Variants in ERBB4 observed in about 807,000 individuals in gnomAD.
ERBB4 encodes the protein erb-b2 receptor tyrosine kinase 4, also known as receptor tyrosine-protein kinase erbB-4.
In ERBB4, 42 loss-of-function variants were observed where a neutral mutation model predicts 158.0. That is an observed-to-expected ratio of 0.27 (90% CI 0.21 to 0.34). ERBB4 has a LOEUF of 0.34. Ranked by LOEUF, ERBB4 falls within the 10% of genes least tolerant of loss-of-function variation. The pLI is 1.00. For synonymous variants in ERBB4, 583 were observed against 558.7 expected, an observed-to-expected ratio of 1.04 and a Z score of -0.61; for missense variants, 1,333 against 1,624.1, an observed-to-expected ratio of 0.82 and a Z score of 3.08.
intron 1 of ERBB4, among the ~76,000 whole-genome samples, chr2:212,508,394 C>G (rs935234081): frequency 9.9e-5 from 15 of 152,022 alleles, no homozygotes; most frequent in African/African-American, 3.6e-4. Context: ...CAAAAACAAA[C>G]TAATAAATAT....
chr2:211,420,600 A>G lies in ERBB4; in HGVS notation c.2976T>C (p.Arg992=), dbSNP rs1168093246. Residue 992 remains arginine (R), a synonymous_variant, in exon 25 of 28, where the codon CGT becomes CGC. Transcript: ENST00000342788. ...TGTCATTTGGACTGGGAAGCTTCAT[A>G]CGATCATCACCCTAAAAGAAAGATT... ...QRYLVIQGDD[R]MKLPSPNDSK... The G allele has an allele frequency of 1.2e-6, 2 of 1,608,320 alleles. No homozygotes were observed. The highest frequency in any genetic ancestry group is 1.7e-6 in the Non-Finnish European group (2 of 1,178,832).
At chr2:211,986,080 T>A (rs562323325) in intron 2 of ERBB4, among the ~76,000 whole-genome samples, 1 of 152,288 alleles carries the variant, frequency 6.6e-6, no homozygotes, top group African/African-American at 2.4e-5. Context: ...TATGGCCATG[T>A]GAAGATGGAG....
chr2:212,462,804 C>T (rs1357106980), intron 1 of ERBB4, among the ~76,000 whole-genome samples: 1 of 152,016 alleles, frequency 6.6e-6, no homozygotes, highest in East Asian at 1.9e-4. Context: ...TGTGCACTGC[C>T]ATGTTTATTG....
At chr2:211,513,302 G>C (rs1186924640) in intron 20 of ERBB4, among the ~76,000 whole-genome samples, 2 of 141,692 alleles carry the variant, frequency 1.4e-5, no homozygotes, top group Admixed American at 1.5e-4. Flanking sequence ...AGTGAGCCGA[G>C]ATTGCGCCAC....
At position 211,881,781 on chromosome 2, in the gene ERBB4, C is replaced by T. The variant is rs143220770; in HGVS notation, c.421+65649G>A. On this transcript the variant is annotated intron_variant, in intron 3 of 27. Coordinates refer to ENST00000342788, the MANE Select transcript of ERBB4 (RefSeq NM_005235.3). Reference sequence around the variant, plus strand: ...CTCTCTGTAGCAGAGAGCTATTCTCCTTCTTTTGTCTATTAAACTTCCACT... The same window carrying T: ...CTCTCTGTAGCAGAGAGCTATTCTCTTTCTTTTGTCTATTAAACTTCCACT... 5.9e-4 allele frequency among the ~76,000 whole-genome samples: 90 copies of T among 152,212 alleles called. No homozygotes were observed. In the East Asian group the frequency reaches 0.017, roughly 28 times the overall value.
chr2:212,411,955 C>T (rs1382488088), intron 1 of ERBB4, among the ~76,000 whole-genome samples: 3 of 149,780 alleles, frequency 2.0e-5, no homozygotes, highest in Non-Finnish European at 2.9e-5. Flanking sequence ...ATGGGAAAGA[C>T]TTCTTCTTCT....
At chr2:212,294,977 T>C (rs1267409996) in intron 1 of ERBB4, among the ~76,000 whole-genome samples, 2 of 152,096 alleles carry the variant, frequency 1.3e-5, no homozygotes, top group Non-Finnish European at 2.9e-5. Context: ...AACTGGGTCA[T>C]ACGTGGTAAT....
intron 19 of ERBB4, among the ~76,000 whole-genome samples, chr2:211,609,926 T>C (rs1312813555): frequency 6.6e-6 from 1 of 152,202 alleles, no homozygotes; most frequent in Non-Finnish European, 1.5e-5. Flanking sequence ...AACCTCTGAC[T>C]GATAACAACA....
chr2:211,850,346 A>G (rs2077688446), intron 3 of ERBB4, among the ~76,000 whole-genome samples: 1 of 151,876 alleles, frequency 6.6e-6, no homozygotes, highest in African/African-American at 2.4e-5. Flanking sequence ...ATACATATTC[A>G]TATACATATT....
At chr2:211,934,548 T>C (rs1174850896) in intron 3 of ERBB4, among the ~76,000 whole-genome samples, 1 of 152,074 alleles carries the variant, frequency 6.6e-6, no homozygotes, top group Non-Finnish European at 1.5e-5. Flanking sequence ...TTTTCTCATA[T>C]TGATTTTCCT....
chr2:211,645,480 A>T (rs191869149), intron 16 of ERBB4, among the ~76,000 whole-genome samples: 4 of 151,908 alleles, frequency 2.6e-5, no homozygotes, highest in South Asian at 4.1e-4. Flanking sequence ...TTACAGATAC[A>T]TATATCTATA....
intron 1 of ERBB4, among the ~76,000 whole-genome samples, chr2:212,254,829 G>A (rs981928047): frequency 6.6e-6 from 1 of 152,076 alleles, no homozygotes; most frequent in Non-Finnish European, 1.5e-5. Context: ...TAGATGGCTA[G>A]TTATACAAAC....
At chr2:212,019,992 A>C (rs1296238244) in intron 2 of ERBB4, among the ~76,000 whole-genome samples, 1 of 152,100 alleles carries the variant, frequency 6.6e-6, no homozygotes, top group Non-Finnish European at 1.5e-5. Context: ...ATAAGAAAAA[A>C]CATCCTTACT....
chr2:211,929,234 A>AGTGT (rs10542155), intron 3 of ERBB4, among the ~76,000 whole-genome samples: 1,656 of 148,444 alleles, frequency 0.011, 15 homozygotes, highest in African/African-American at 0.021. Context: ...CTTTGGAATA[A>AGTGT]GTGTGTGTGT....
chr2:212,457,123 A>T (rs1688333036), intron 1 of ERBB4, among the ~76,000 whole-genome samples: 1 of 152,072 alleles, frequency 6.6e-6, no homozygotes, highest in Non-Finnish European at 1.5e-5. Flanking sequence ...ATGATACATC[A>T]CAAAATAAAT....
chr2:211,812,068 GC>G (rs1187062128), intron 3 of ERBB4, among the ~76,000 whole-genome samples: 1 of 152,180 alleles, frequency 6.6e-6, no homozygotes. Flanking sequence ...TTGTTCTGTT[GC>G]TGGTGAGGAG....
chr2:211,654,114 C>T (rs1186028771), intron 16 of ERBB4, among the ~76,000 whole-genome samples: 3 of 152,182 alleles, frequency 2.0e-5, no homozygotes, highest in African/African-American at 4.8e-5. Flanking sequence ...GAAATACACA[C>T]CCACCTCATC....
intron 1 of ERBB4, among the ~76,000 whole-genome samples, chr2:212,374,008 A>C (rs1026646688): frequency 2.4e-5 from 3 of 123,156 alleles, no homozygotes; most frequent in African/African-American, 8.4e-5. Flanking sequence ...ATATATATAT[A>C]TCCATATATA....
At chr2:212,009,558 CAGT>C (rs2076336332) in intron 2 of ERBB4, among the ~76,000 whole-genome samples, 1 of 152,098 alleles carries the variant, frequency 6.6e-6, no homozygotes, top group African/African-American at 2.4e-5. Flanking sequence ...TATGTTGTTA[CAGT>C]GGCCACAGGA....
Sources: gnomAD v4.1 joint callset for allele counts (sites outside exome capture counted in the v4.1 genomes callset) on GRCh38, gnomAD v4.1.1 for gene constraint, MANE v1.5 for transcripts, NCBI Gene and HGNC (gene_info 2026-07-23, HGNC 2026-07-21) for gene names.